Variants in ROBO2 observed in about 807,000 individuals in gnomAD.
The protein encoded by ROBO2 is roundabout homolog 2.
A neutral mutation model predicts 160.8 loss-of-function variants in ROBO2; 53 were observed. The ratio of observed to expected loss-of-function variants is 0.33; its 90% CI spans 0.26 to 0.41. The LOEUF (loss-of-function observed/expected upper bound fraction) is 0.41, where lower values mean the gene tolerates loss of function less well. Among genes scored for constraint, ROBO2 ranks in the 10% least tolerant of loss-of-function variants. The pLI is 1.00. For missense variants in ROBO2, 1,577 were observed against 1,722.4 expected, an observed-to-expected ratio of 0.92 and a Z score of 1.49; for synonymous variants, 664 against 611.7, an observed-to-expected ratio of 1.09 and a Z score of -1.26.
intron 2 of ROBO2, among the ~76,000 whole-genome samples, chr3:76,667,530 C>T (rs895453546): frequency 4.0e-5 from 6 of 151,798 alleles, no homozygotes; most frequent in African/African-American, 1.2e-4. Context: ...TAATAATAGA[C>T]CTCAATCTAA....
intron 2 of ROBO2, among the ~76,000 whole-genome samples, chr3:77,151,642 T>G (rs1195269954): frequency 3.3e-5 from 5 of 152,202 alleles, no homozygotes; most frequent in African/African-American, 1.2e-4. Flanking sequence ...CATTATGGCT[T>G]AAGTATTTTC....
chr3:77,313,397 T>A (rs1282485117), intron 2 of ROBO2, among the ~76,000 whole-genome samples: 1 of 152,212 alleles, frequency 6.6e-6, no homozygotes, highest in East Asian at 1.9e-4. Context: ...TCCTTCTAAC[T>A]ATCTGAAATT....
chr3:76,993,233 A>G (rs2060793394), intron 2 of ROBO2, among the ~76,000 whole-genome samples: 1 of 152,194 alleles, frequency 6.6e-6, no homozygotes. Flanking sequence ...TTTTTGTCTC[A>G]TCTTCTAAGA....
intron 2 of ROBO2, among the ~76,000 whole-genome samples, chr3:76,073,587 G>A (rs376359293): frequency 6.6e-6 from 1 of 151,840 alleles, no homozygotes; most frequent in East Asian, 1.9e-4. Context: ...TACCGCGCCC[G>A]GCAGAGTATT....
chr3:76,622,235 G>GAAGAAAGAAAGAAAGAAAGAAAGAAAGA (rs66811756), intron 2 of ROBO2, among the ~76,000 whole-genome samples: 1 of 44,790 alleles, frequency 2.2e-5, no homozygotes. Context: ...AGGAAGGAAG[G>GAAGAAAGAAAGAAAGAAAGAAAGAAAGA]AAGAAAGAAA....
intron 2 of ROBO2, among the ~76,000 whole-genome samples, chr3:76,475,389 A>G (rs1284955532): frequency 1.3e-5 from 2 of 152,164 alleles, no homozygotes; most frequent in African/African-American, 4.8e-5. Flanking sequence ...GACACTGACC[A>G]GGTGATGTGC....
At position 77,251,963 on chromosome 3, in the gene ROBO2, A is replaced by G. The variant is rs576490629; in HGVS notation, c.388+153623A>G. Among the ~76,000 whole-genome samples, 3 of 152,248 alleles carry G rather than the reference A, an allele frequency of 2.0e-5. No homozygotes were observed. In the East Asian group the frequency reaches 5.8e-4, roughly 29 times the overall value. On this transcript the variant is annotated intron_variant, in intron 2 of 25. Coordinates refer to ENST00000461745, the Ensembl canonical transcript of ROBO2. ...ACTGACAGACTTTTTTATTATTTAC[A>G]TGGCCAGCCTGGAAAATTTCAAAAT...
At chr3:76,798,247 A>AGAAAGAGAAG in intron 2 of ROBO2, among the ~76,000 whole-genome samples, 1 of 122,174 alleles carries the variant, frequency 8.2e-6, no homozygotes, top group South Asian at 2.7e-4. Context: ...GAAAAAAAGA[A>AGAAAGAGAAG]GAAAGAAAGA....
rs1365372694 is a variant in ROBO2, at chr3:76,042,468, AT to A, written c.109+104868del. 2.0e-5 allele frequency among the ~76,000 whole-genome samples: 3 copies of A among 152,218 alleles called. No homozygotes were observed. In the East Asian group the frequency reaches 5.8e-4, roughly 29 times the overall value. The stretch of plus-strand genomic sequence containing the variant: ...TTTAATGCAGTATTTTATGTATGCG[AT>A]TATTTACATAGGTTTAAGTGTTTTT... On this transcript the variant is annotated intron_variant, in intron 2 of 26. Transcript: ENST00000487694.
chr3:76,419,643 A>G (rs958073898), intron 2 of ROBO2, among the ~76,000 whole-genome samples: 1 of 152,088 alleles, frequency 6.6e-6, no homozygotes, highest in Admixed American at 6.5e-5. Context: ...TTCTCTGTCT[A>G]TTGAGGAAAG....
intron 2 of ROBO2, among the ~76,000 whole-genome samples, chr3:76,443,428 T>A (rs1577223582): frequency 6.6e-6 from 1 of 152,196 alleles, no homozygotes; most frequent in Non-Finnish European, 1.5e-5. Context: ...ATCCCCTGAG[T>A]ATACGTAGGG....
intron 18 of ROBO2, among the ~76,000 whole-genome samples, chr3:77,596,178 AGCATGAGG>A (rs1454286700): frequency 6.6e-6 from 1 of 152,200 alleles, no homozygotes; most frequent in Non-Finnish European, 1.5e-5. Flanking sequence ...CTCCAAATCA[AGCATGAGG>A]GCTCATAACA....
chr3:77,092,558 T>A (rs1034881466), intron 1 of ROBO2, among the ~76,000 whole-genome samples: 1 of 147,258 alleles, frequency 6.8e-6, no homozygotes, highest in Non-Finnish European at 1.5e-5. Flanking sequence ...TATATATAGT[T>A]TATATATTAT....
chr3:77,265,733 G>A (rs371246011), intron 2 of ROBO2, among the ~76,000 whole-genome samples: 1 of 152,098 alleles, frequency 6.6e-6, no homozygotes, highest in East Asian at 1.9e-4. Flanking sequence ...ATTTGGTCTT[G>A]TGTCCATTCT....
intron 2 of ROBO2, among the ~76,000 whole-genome samples, chr3:76,668,991 T>C (rs1201268483): frequency 6.6e-6 from 1 of 152,106 alleles, no homozygotes; most frequent in Non-Finnish European, 1.5e-5. Flanking sequence ...AAACTTGACA[T>C]GAGACGCCTT....
At chr3:77,371,172 C>T (rs140283260) in intron 2 of ROBO2, among the ~76,000 whole-genome samples, 1 of 152,228 alleles carries the variant, frequency 6.6e-6, no homozygotes, top group Non-Finnish European at 1.5e-5. Flanking sequence ...GCTTTATGTT[C>T]CAGGGATCAA....
chr3:77,205,786 T>C (rs551654192), intron 2 of ROBO2, among the ~76,000 whole-genome samples: 1 of 152,270 alleles, frequency 6.6e-6, no homozygotes, highest in Non-Finnish European at 1.5e-5. Context: ...GGAACTCACT[T>C]TGAGTGAAGA....
chr3:76,816,554 G>A (rs926417442), intron 2 of ROBO2, among the ~76,000 whole-genome samples: 7 of 151,938 alleles, frequency 4.6e-5, no homozygotes, highest in Non-Finnish European at 7.4e-5. Flanking sequence ...TGTTTGATGT[G>A]ATGTTTGTCA....
At chr3:76,512,378 T>A (rs2081144044) in intron 2 of ROBO2, among the ~76,000 whole-genome samples, 1 of 151,272 alleles carries the variant, frequency 6.6e-6, no homozygotes, top group African/African-American at 2.4e-5. Flanking sequence ...GCATCACACA[T>A]AGAGACTGAA....
Sources: allele counts gnomAD v4.1 joint callset (sites outside exome capture counted in the v4.1 genomes callset), GRCh38; gene constraint gnomAD v4.1.1; transcripts MANE v1.5; gene names NCBI Gene and HGNC (gene_info 2026-07-23, HGNC 2026-07-21).